Variants in GRM7 observed in about 807,000 individuals in gnomAD.
GRM7 encodes glutamate metabotropic receptor 7, also known as metabotropic glutamate receptor 7.
Under a neutral mutation model 84.5 loss-of-function variants are expected in GRM7, and 35 were observed. The ratio of observed to expected loss-of-function variants is 0.41; its 90% CI spans 0.32 to 0.55. GRM7 has a LOEUF of 0.55. Among genes scored for constraint, GRM7 ranks in the 20% least tolerant of loss-of-function variants. The pLI is 0.19. For synonymous variants in GRM7, 487 were observed against 455.1 expected, an observed-to-expected ratio of 1.07 and a Z score of -0.89; for missense variants, 1,003 against 1,194.6, an observed-to-expected ratio of 0.84 and a Z score of 2.36.
At chr3:7,539,369 C>T (rs964667981) in intron 7 of GRM7, among the ~76,000 whole-genome samples, 8 of 152,042 alleles carry the variant, frequency 5.3e-5, no homozygotes, top group African/African-American at 1.4e-4. Context: ...TGAAGTTCTC[C>T]GTGCTTTCTT....
At chr3:7,031,964 C>A (rs1696202535) in intron 1 of GRM7, among the ~76,000 whole-genome samples, 1 of 152,044 alleles carries the variant, frequency 6.6e-6, no homozygotes, top group Non-Finnish European at 1.5e-5. Context: ...ATCCCTTAAC[C>A]TACCTGTCCT....
Position 7,425,040 on chromosome 3 carries a change from T to A in GRM7, c.1174+9877T>A, listed in dbSNP as rs116182716. ...ATGCTGTTTCTCCTCTCATGCCTAGTTGCCTCCCAAGACCCTTGGAAAACT... is the reference window on the plus strand; with the variant it reads ...ATGCTGTTTCTCCTCTCATGCCTAGATGCCTCCCAAGACCCTTGGAAAACT... On this transcript the variant is annotated intron_variant, in intron 5 of 9. Coordinates refer to ENST00000357716, the MANE Select transcript of GRM7 (RefSeq NM_000844.4). 3.3e-3 allele frequency among the ~76,000 whole-genome samples: 506 copies of A among 152,272 alleles called. 1 individual carries two copies. The highest frequency in any genetic ancestry group is 5.8e-3 in the Non-Finnish European group (393 of 68,016).
intron 9 of GRM7, among the ~76,000 whole-genome samples, chr3:7,691,804 G>A (rs1007089280): frequency 1.3e-5 from 2 of 152,090 alleles, no homozygotes; most frequent in Admixed American, 1.3e-4. Flanking sequence ...GGGATTACAG[G>A]CATGTGCCAC....
Position 6,988,163 on chromosome 3 carries a change from A to ATTT in GRM7, c.519+126281_519+126283dup, listed in dbSNP as rs760807880. Reference sequence around the variant, plus strand: ...AGGCGGCCACCATCACGCCTGGCTAATTTTTTTTTTTTTTTTTTTTTTTTT... The same window carrying ATTT: ...AGGCGGCCACCATCACGCCTGGCTAATTTTTTTTTTTTTTTTTTTTTTTTTTTT... On this transcript the variant is annotated intron_variant, in intron 1 of 9. Coordinates refer to ENST00000357716, the MANE Select transcript of GRM7 (RefSeq NM_000844.4). Among the ~76,000 whole-genome samples the ATTT allele has an allele frequency of 3.5e-3, 329 of 95,278 alleles. 14 individuals carry two copies. Among genetic ancestry groups the ATTT allele is most frequent in the African/African-American group, 5.5e-3 (101 of 18,470 alleles). 62.5% of individuals were successfully genotyped at this position (95,278 alleles called of 152,430 possible). A position where few individuals can be genotyped will look rare whatever the true frequency, so the allele number is the denominator to read the frequency against.
At chr3:7,129,315 C>T (rs575501754) in intron 1 of GRM7, among the ~76,000 whole-genome samples, 2 of 152,276 alleles carry the variant, frequency 1.3e-5, no homozygotes, top group East Asian at 3.9e-4. Flanking sequence ...AGCCGTTATC[C>T]GTTTACAAGT....
intron 4 of GRM7, among the ~76,000 whole-genome samples, chr3:7,313,771 A>G (rs1700488144): frequency 6.6e-6 from 1 of 152,190 alleles, no homozygotes; most frequent in East Asian, 1.9e-4. Flanking sequence ...GCTATTTCAC[A>G]TGCGTTTTTT....
chr3:7,564,148 C>T (rs1007254188), intron 7 of GRM7, among the ~76,000 whole-genome samples: 3 of 152,114 alleles, frequency 2.0e-5, no homozygotes, highest in South Asian at 2.1e-4. Context: ...AAAACAGGAA[C>T]GAACTTTCAC....
At chr3:6,931,925 C>A (rs765572119) in intron 1 of GRM7, among the ~76,000 whole-genome samples, 1 of 151,980 alleles carries the variant, frequency 6.6e-6, no homozygotes, top group African/African-American at 2.4e-5. Context: ...AGAAGAAAGT[C>A]GATTAAGTAA....
intron 6 of GRM7, among the ~76,000 whole-genome samples, chr3:7,454,586 A>G (rs1394748157): frequency 6.6e-6 from 1 of 152,172 alleles, no homozygotes. Context: ...ATATTAGACA[A>G]TATCTAGTAA....
chr3:6,946,271 T>A (rs1245623175), intron 1 of GRM7, among the ~76,000 whole-genome samples: 3 of 152,240 alleles, frequency 2.0e-5, no homozygotes, highest in African/African-American at 7.2e-5. Flanking sequence ...TTCAGCTTTC[T>A]ACATATGGCT....
chr3:7,328,048 G>A (rs963010347), intron 4 of GRM7, among the ~76,000 whole-genome samples: 13 of 152,090 alleles, frequency 8.5e-5, no homozygotes, highest in Admixed American at 2.6e-4. Context: ...TGAACACAGG[G>A]CCCTCTAATG....
intron 1 of GRM7, among the ~76,000 whole-genome samples, chr3:6,982,474 T>C (rs1214419624): frequency 6.6e-6 from 1 of 152,156 alleles, no homozygotes; most frequent in Admixed American, 6.6e-5. Flanking sequence ...AAATCAATTA[T>C]GAGACACATA....
chr3:7,264,825 C>T (rs903470976), intron 2 of GRM7, among the ~76,000 whole-genome samples: 22 of 151,738 alleles, frequency 1.4e-4, no homozygotes, highest in African/African-American at 1.9e-4. Context: ...ACAAAGACTA[C>T]ACCAGAGTTA....
chr3:7,674,594 T>G (rs930947669), intron 8 of GRM7, among the ~76,000 whole-genome samples: 7 of 152,220 alleles, frequency 4.6e-5, no homozygotes, highest in South Asian at 4.1e-4. Flanking sequence ...TCACATATTT[T>G]TGTGTGTGTG....
intron 8 of GRM7, among the ~76,000 whole-genome samples, chr3:7,634,711 G>A (rs1294679562): frequency 2.6e-5 from 4 of 151,532 alleles, no homozygotes; most frequent in Admixed American, 6.6e-5. Flanking sequence ...GGAGAATGGC[G>A]TGAACCCGGG....
chr3:7,136,356 G>T (rs769612238), intron 1 of GRM7, among the ~76,000 whole-genome samples: 1 of 151,612 alleles, frequency 6.6e-6, no homozygotes, highest in African/African-American at 2.4e-5. Context: ...ACAAATCCTA[G>T]TTATGTCTGG....
chr3:7,457,917 G>T (rs991373452), intron 6 of GRM7, among the ~76,000 whole-genome samples: 2 of 152,144 alleles, frequency 1.3e-5, no homozygotes, highest in Non-Finnish European at 2.9e-5. Context: ...CCAGAGAGCT[G>T]CTGTCCCCAC....
chr3:7,379,133 C>T (rs1211439502), intron 4 of GRM7, among the ~76,000 whole-genome samples: 1 of 152,118 alleles, frequency 6.6e-6, no homozygotes, highest in Admixed American at 6.6e-5. Flanking sequence ...AGTGCAGTGG[C>T]GTGATGTTGG....
chr3:7,215,948 C>T (rs1006456232), intron 2 of GRM7, among the ~76,000 whole-genome samples: 32 of 152,104 alleles, frequency 2.1e-4, no homozygotes, highest in Non-Finnish European at 4.4e-4. Context: ...TTTGGAAAAC[C>T]TTCCTGGCAA....
Sources: allele counts gnomAD v4.1 joint callset (sites outside exome capture counted in the v4.1 genomes callset), GRCh38; gene constraint gnomAD v4.1.1; transcripts MANE v1.5; gene names NCBI Gene and HGNC (gene_info 2026-07-23, HGNC 2026-07-21).